HSPA4L: variants seen among roughly 807,000 people sequenced by gnomAD.
The protein encoded by HSPA4L is heat shock protein family A (Hsp70) member 4 like.
HSPA4L carries 48 observed loss-of-function variants against 100.3 expected under a neutral mutation model. The ratio of observed to expected loss-of-function variants is 0.48; its 90% CI spans 0.38 to 0.61. The LOEUF is 0.61. Among genes scored for constraint, HSPA4L ranks in the 20% least tolerant of loss-of-function variants. The pLI, the probability that HSPA4L is intolerant of heterozygous loss-of-function variation, is 0.00. For missense variants in HSPA4L, 886 were observed against 988.6 expected (o/e 0.90, Z 1.39); for synonymous variants, 319 against 328.2 (o/e 0.97, Z 0.30).
At chr4:127,831,524 G>A (rs201272639) in intron 18 of HSPA4L, among the ~76,000 whole-genome samples, 3,973 of 131,944 alleles carry the variant, frequency 0.03, 290 homozygotes, top group East Asian at 0.3. Context: ...AAAAAAAAAA[G>A]GAAGCAATCT....
intron 3 of HSPA4L, among the ~76,000 whole-genome samples, chr4:127,796,965 TAAGA>T (rs1390545740): frequency 2.0e-5 from 3 of 152,196 alleles, no homozygotes; most frequent in Non-Finnish European, 2.9e-5. Context: ...AATTATCTCT[TAAGA>T]AAGTTATTTT....
chr4:127,825,008 CG>C (rs994096645), intron 16 of HSPA4L, among the ~76,000 whole-genome samples: 1 of 151,816 alleles, frequency 6.6e-6, no homozygotes, highest in Non-Finnish European at 1.5e-5. Context: ...AGCGTGGTGG[CG>C]GGCACCTGTA....
In HSPA4L at chr4:127,840,635, A is replaced by T. The variant is rs1197679086; in HGVS notation, c.*7761A>T. The T allele has an allele frequency of 6.6e-6, 1 of 152,254 alleles. No individual in the cohort carries two copies. Among genetic ancestry groups the T allele is most frequent in the African/African-American group, 2.4e-5 (1 of 41,466 alleles). The allele number at this position is 152,254 out of a possible 1,614,324, so 9.4% of individuals were successfully genotyped here. A position where few individuals can be genotyped will look rare whatever the true frequency, so the allele number is the denominator to read the frequency against. ...AGTAAATTGCATCTTTATGCTAGTG[A>T]ACAAAGTAGCAATAAATGTTCATTT... On this transcript the variant is annotated 3_prime_UTR_variant, in exon 19 of 19. Coordinates refer to ENST00000296464, the MANE Select transcript of HSPA4L (RefSeq NM_014278.4).
In HSPA4L at chr4:127,801,880, C is replaced by G. The variant is rs778959411; in HGVS notation, c.625C>G (p.Gln209Glu). Reference protein sequence around the residue: ...VFIDMGHSAYQVLVCAFNKGK... With the variant: ...VFIDMGHSAYEVLVCAFNKGK... ...TATTGATATGGGACATTCTGCCTATCAGGTCTTGGTTTGTGCTTTTAACAA... is the reference window on the plus strand; with the variant it reads ...TATTGATATGGGACATTCTGCCTATGAGGTCTTGGTTTGTGCTTTTAACAA... Residue 209 changes from glutamine to glutamate, a missense_variant, in exon 6 of 19, where the codon CAG (glutamine) becomes GAG (glutamate). Transcript: ENST00000296464. 285 of 1,609,044 alleles carry G rather than the reference C, an allele frequency of 1.8e-4. No individual in the cohort carries two copies. Among genetic ancestry groups the G allele is most frequent in the Non-Finnish European group, 2.3e-4 (276 of 1,177,440 alleles).
intron 1 of HSPA4L, among the ~76,000 whole-genome samples, chr4:127,793,067 T>TTG (rs1207856989): frequency 6.6e-6 from 1 of 152,118 alleles, no homozygotes; most frequent in African/African-American, 2.4e-5. Flanking sequence ...AGCTTTTACT[T>TTG]TGTGAGATAG....
intron 12 of HSPA4L, among the ~76,000 whole-genome samples, chr4:127,817,069 A>AT (rs1257659655): frequency 6.1e-4 from 93 of 151,586 alleles, no homozygotes; most frequent in Admixed American, 4.5e-3. Context: ...AAAATAATTG[A>AT]TTTTTTTTTA....
intron 11 of HSPA4L, among the ~76,000 whole-genome samples, chr4:127,808,363 G>C (rs573378029): frequency 1.3e-5 from 2 of 152,190 alleles, no homozygotes; most frequent in Non-Finnish European, 2.9e-5. Flanking sequence ...TGTACATTCA[G>C]CCAATATTAG....
rs911581769 is a variant in HSPA4L at position 127,782,746 on chromosome 4, G to A, written c.107+89G>A. 6.1e-6 allele frequency: 6 copies of A among 989,380 alleles called. No individual in the cohort carries two copies. In the African/African-American group the frequency reaches 9.9e-5, roughly 16 times the overall value. 61.3% of individuals were successfully genotyped at this position (989,380 alleles called of 1,614,324 possible). A position where few individuals can be genotyped will look rare whatever the true frequency, so the allele number is the denominator to read the frequency against. ...TTTGTCCTGTCTGCTCGCTTCCTCG[G>A]ATTTTCCCCTAACGTGCGCCGAACC... On this transcript the variant is annotated intron_variant, in intron 1 of 18. Coordinates refer to ENST00000296464, the MANE Select transcript of HSPA4L (RefSeq NM_014278.4).
intron 17 of HSPA4L, among the ~76,000 whole-genome samples, chr4:127,830,047 T>C (rs1209701642): frequency 6.6e-6 from 1 of 152,094 alleles, no homozygotes; most frequent in Non-Finnish European, 1.5e-5. Flanking sequence ...TCCTCCCACT[T>C]CTTTGACTTT....
chr4:127,808,012 T>C lies in HSPA4L; in HGVS notation c.1261T>C (p.Cys421Arg), dbSNP rs1733410688. The change falls in exon 11 of 19, where the codon TGT (cysteine) becomes CGT (arginine). Residue 421 changes from cysteine (C) to arginine (R), a missense_variant. Cys to Arg is a radical substitution (Grantham distance 180). Transcript: ENST00000296464. ...CCATTTTAGGGAATGTGAAGTTTTC[T>C]GTAAGAACCATCCTGCCCCATTCTC... ...EDGSGECEVF[C>R]KNHPAPFSKV... 1.2e-6 allele frequency: 2 copies of C among 1,608,806 alleles called. No homozygotes were observed. Among genetic ancestry groups the C allele is most frequent in the African/African-American group, 1.3e-5 (1 of 74,708 alleles).
chr4:127,822,512 T>C (rs1322407446), intron 14 of HSPA4L, among the ~76,000 whole-genome samples: 1 of 152,202 alleles, frequency 6.6e-6, no homozygotes, highest in African/African-American at 2.4e-5. Flanking sequence ...TTCAATTTTT[T>C]GTGGGTGTAT....
At chr4:127,802,907 G>T (rs556893626) in intron 6 of HSPA4L, among the ~76,000 whole-genome samples, 1 of 152,210 alleles carries the variant, frequency 6.6e-6, no homozygotes, top group African/African-American at 2.4e-5. Flanking sequence ...TATAATGAAA[G>T]AGCTGCAAAA....
At chr4:127,785,569 C>A (rs1476609612) in intron 1 of HSPA4L, among the ~76,000 whole-genome samples, 1 of 152,028 alleles carries the variant, frequency 6.6e-6, no homozygotes, top group Non-Finnish European at 1.5e-5. Context: ...TCCCGAGTAG[C>A]TGGAATTACA....
rs551724082 is a variant in HSPA4L, at chr4:127,785,424, G to C, written c.107+2767G>C. On this transcript the variant is annotated intron_variant, in intron 1 of 18. Coordinates refer to ENST00000296464, the MANE Select transcript of HSPA4L (RefSeq NM_014278.4). ...AGGGGAAGTATTTACTTTATGTTTAGTAACCTTTTTCTTTTTTTCTTTTTT... is the reference window on the plus strand; with the variant it reads ...AGGGGAAGTATTTACTTTATGTTTACTAACCTTTTTCTTTTTTTCTTTTTT... Among the ~76,000 whole-genome samples the C allele has an allele frequency of 5.7e-4, 87 of 151,952 alleles. 1 individual carries two copies. The highest frequency in any genetic ancestry group is 5.2e-3 in the South Asian group (25 of 4,800).
chr4:127,783,441 A>G (rs901578087), intron 1 of HSPA4L: 22 of 1,334,402 alleles, frequency 1.6e-5, no homozygotes, highest in Non-Finnish European at 1.8e-5. Flanking sequence ...CCGTATAAAC[A>G]TGACTGTGGA....
chr4:127,790,879 C>T (rs1458155449), intron 1 of HSPA4L, among the ~76,000 whole-genome samples: 4 of 152,188 alleles, frequency 2.6e-5, no homozygotes, highest in Non-Finnish European at 4.4e-5. Context: ...AATCCCAGCA[C>T]TTTGGGAGGC....
chr4:127,789,814 G>T (rs1732823658), intron 1 of HSPA4L, among the ~76,000 whole-genome samples: 1 of 152,112 alleles, frequency 6.6e-6, no homozygotes, highest in Non-Finnish European at 1.5e-5. Flanking sequence ...GTGTTATAAT[G>T]TGTCTGTTTC....
intron 1 of HSPA4L, among the ~76,000 whole-genome samples, chr4:127,787,876 A>G (rs767275385): frequency 6.6e-6 from 1 of 152,090 alleles, no homozygotes; most frequent in Admixed American, 6.6e-5. Context: ...TATAGCACTG[A>G]TAGTCTTTTA....
At chr4:127,798,846 A>G in intron 4 of HSPA4L, 137 bp downstream of exon 4, 3 of 741,362 alleles carry the variant, frequency 4.0e-6, no homozygotes, top group Non-Finnish European at 6.1e-6. Context: ...TTTCTTTTTA[A>G]AAAAACTGCC....
Sources: gnomAD v4.1 joint callset for allele counts (sites outside exome capture counted in the v4.1 genomes callset) on GRCh38, gnomAD v4.1.1 for gene constraint, MANE v1.5 for transcripts, NCBI Gene and HGNC (gene_info 2026-07-23, HGNC 2026-07-21) for gene names.